Variants in FYN observed in about 807,000 individuals in gnomAD.
FYN encodes tyrosine-protein kinase Fyn.
Under a neutral mutation model 70.2 loss-of-function variants are expected in FYN, and 10 were observed. That is an observed-to-expected ratio of 0.14 (90% confidence interval 0.09 to 0.24). The LOEUF (loss-of-function observed/expected upper bound fraction) is 0.24, where lower values mean the gene tolerates loss of function less well. Among genes scored for constraint, FYN ranks in the 10% least tolerant of loss-of-function variants. FYN has a pLI of 1.00. For missense variants in FYN, 319 were observed against 673.1 expected (o/e 0.47, Z 5.82); for synonymous variants, 236 against 248.6 (o/e 0.95, Z 0.48).
chr6:111,822,486 G>C (rs921370972), intron 2 of FYN, among the ~76,000 whole-genome samples: 7 of 151,308 alleles, frequency 4.6e-5, no homozygotes, highest in Non-Finnish European at 7.4e-5. Flanking sequence ...GTTGTGGGGT[G>C]GGGGGAGCGG....
chr6:111,750,854 A>G (rs1371435230), intron 3 of FYN, among the ~76,000 whole-genome samples: 1 of 152,178 alleles, frequency 6.6e-6, no homozygotes, highest in African/African-American at 2.4e-5. Flanking sequence ...GGGGCAGCAA[A>G]GTCACAGAAC....
chr6:111,677,817 A>T (rs2344706), intron 12 of FYN, among the ~76,000 whole-genome samples: 65,482 of 151,948 alleles, frequency 0.43, 14,646 homozygotes, highest in Admixed American at 0.56. Context: ...GTTAACTTGG[A>T]ATTGTTATGT....
At position 111,681,003 on chromosome 6, in the gene FYN, C is replaced by A. The variant is rs116370803; in HGVS notation, c.1274-6373G>T. On this transcript the variant is annotated intron_variant, in intron 12 of 13. Coordinates refer to ENST00000354650, the MANE Select transcript of FYN (RefSeq NM_002037.5). ...AGCTAGGATGCTAGATGTGCACCAC[C>A]ATGCCTGGCTAATGTTTAATTTAAT... Among the ~76,000 whole-genome samples the A allele has an allele frequency of 5.2e-3, 783 of 151,892 alleles. 6 individuals carry two copies. Among genetic ancestry groups the A allele is most frequent in the African/African-American group, 0.018 (742 of 41,428 alleles).
At chr6:111,687,412 C>T (rs1351157745) in intron 12 of FYN, among the ~76,000 whole-genome samples, 1 of 152,030 alleles carries the variant, frequency 6.6e-6, no homozygotes, top group Non-Finnish European at 1.5e-5. Flanking sequence ...TCCAAAGATC[C>T]AAAGATTATG....
intron 2 of FYN, among the ~76,000 whole-genome samples, chr6:111,823,114 A>C (rs1772724725): frequency 6.6e-6 from 1 of 152,184 alleles, no homozygotes; most frequent in East Asian, 1.9e-4. Flanking sequence ...GGTACAGAAA[A>C]ATTCTTGTCA....
chr6:111,833,275 A>G (rs529082542), intron 2 of FYN, among the ~76,000 whole-genome samples: 11 of 152,246 alleles, frequency 7.2e-5, no homozygotes, highest in Non-Finnish European at 1.2e-4. Context: ...GTAACATCAA[A>G]TCCAGTGTAA....
At chr6:111,744,799 A>T (rs2128481875) in intron 3 of FYN, among the ~76,000 whole-genome samples, 1 of 152,306 alleles carries the variant, frequency 6.6e-6, no homozygotes, top group Non-Finnish European at 1.5e-5. Context: ...GTGAGGAAAA[A>T]ACCCCCAAAA....
intron 3 of FYN, among the ~76,000 whole-genome samples, chr6:111,722,588 C>T (rs1801006093): frequency 6.6e-6 from 1 of 152,128 alleles, no homozygotes; most frequent in Admixed American, 6.5e-5. Context: ...GAATGTGAGA[C>T]CTGAATCACA....
At chr6:111,687,434 T>C (rs1283025535) in intron 12 of FYN, among the ~76,000 whole-genome samples, 4 of 152,202 alleles carry the variant, frequency 2.6e-5, no homozygotes, top group Non-Finnish European at 5.9e-5. Flanking sequence ...TTCCTTGACA[T>C]TTGTTTCATT....
chr6:111,705,781 G>T (rs1449774164), intron 6 of FYN, among the ~76,000 whole-genome samples: 1 of 152,096 alleles, frequency 6.6e-6, no homozygotes, highest in Non-Finnish European at 1.5e-5. Context: ...CCAGGGATGT[G>T]GAGGTTGCAG....
At chr6:111,816,536 C>T (rs989680809) in intron 2 of FYN, among the ~76,000 whole-genome samples, 1 of 152,128 alleles carries the variant, frequency 6.6e-6, no homozygotes, top group East Asian at 1.9e-4. Flanking sequence ...CTCCATAGAT[C>T]ATAAGGAGGT....
intron 2 of FYN, among the ~76,000 whole-genome samples, chr6:111,814,307 A>G (rs1039777402): frequency 6.6e-6 from 1 of 152,258 alleles, no homozygotes; most frequent in Non-Finnish European, 1.5e-5. Context: ...TTCTAAAGAC[A>G]AAAGTGGGGA....
In FYN at chr6:111,841,872, A is replaced by G. The variant is rs368351212; in HGVS notation, c.-82+4717T>C. 6.6e-4 allele frequency among the ~76,000 whole-genome samples: 101 copies of G among 152,040 alleles called. 1 individual carries two copies. The highest frequency in any genetic ancestry group is 2.3e-3 in the African/African-American group (97 of 41,438). On this transcript the variant is annotated intron_variant, in intron 2 of 13. Transcript: ENST00000354650. Reference sequence around the variant, plus strand: ...TTAGTTTTACAATCCAGGGATTTACATAAAAGAAAGCTGGTCAGTTATTAC... The same window carrying G: ...TTAGTTTTACAATCCAGGGATTTACGTAAAAGAAAGCTGGTCAGTTATTAC...
intron 3 of FYN, among the ~76,000 whole-genome samples, chr6:111,741,801 C>G (rs1238751828): frequency 6.6e-6 from 1 of 152,192 alleles, no homozygotes; most frequent in African/African-American, 2.4e-5. Flanking sequence ...TGTGAAAACA[C>G]AGACCACTGG....
At chr6:111,846,042 T>G (rs1773517602) in intron 2 of FYN, among the ~76,000 whole-genome samples, 1 of 152,196 alleles carries the variant, frequency 6.6e-6, no homozygotes, top group African/African-American at 2.4e-5. Flanking sequence ...TTCACTTTTG[T>G]CTCAAGAGAG....
intron 5 of FYN, among the ~76,000 whole-genome samples, chr6:111,710,559 TTC>T (rs2128453549): frequency 6.6e-6 from 1 of 152,332 alleles, no homozygotes; most frequent in East Asian, 1.9e-4. Context: ...AATCCTTGAT[TTC>T]TCTTTTTCTA....
intron 1 of FYN, among the ~76,000 whole-genome samples, chr6:111,854,918 T>C (rs1007201696): frequency 1.3e-5 from 2 of 152,236 alleles, no homozygotes; most frequent in African/African-American, 2.4e-5. Flanking sequence ...TGCAAGACTA[T>C]GTTAAGGAAG....
chr6:111,830,274 G>A (rs1272733729), intron 2 of FYN, among the ~76,000 whole-genome samples: 1 of 152,150 alleles, frequency 6.6e-6, no homozygotes, highest in Non-Finnish European at 1.5e-5. Flanking sequence ...AGGAAGATGG[G>A]ATAACAGTGG....
intron 2 of FYN, among the ~76,000 whole-genome samples, chr6:111,785,391 T>C (rs1771327884): frequency 6.6e-6 from 1 of 152,228 alleles, no homozygotes; most frequent in Non-Finnish European, 1.5e-5. Context: ...GAATATGAAA[T>C]GTTTGTTGAA....
Sources: gnomAD v4.1 joint callset for allele counts (sites outside exome capture counted in the v4.1 genomes callset) on GRCh38, gnomAD v4.1.1 for gene constraint, MANE v1.5 for transcripts, NCBI Gene and HGNC (gene_info 2026-07-23, HGNC 2026-07-21) for gene names.